The following RIMBP2 variants were observed in gnomAD, a reference collection of about 807,000 sequenced individuals.
RIMBP2 encodes the protein RIMS binding protein 2.
RIMBP2 carries 48 observed loss-of-function variants against 118.6 expected under a neutral mutation model. That is an observed-to-expected ratio of 0.40 (90% CI 0.32 to 0.51). RIMBP2 has a LOEUF of 0.51. RIMBP2 is among the 20% of genes least tolerant of loss of function. The pLI is 0.41. For missense variants in RIMBP2, 1,551 were observed against 1,768.3 expected (o/e 0.88, Z 2.20); for synonymous variants, 762 against 742.9 (o/e 1.03, Z -0.42).
chr12:130,416,383 A>G (rs754416027), intron 17 of RIMBP2, among the ~76,000 whole-genome samples: 3 of 152,212 alleles, frequency 2.0e-5, no homozygotes, highest in Non-Finnish European at 4.4e-5. Flanking sequence ...AGACACACAG[A>G]CTAATGGAAC....
At chr12:130,524,104 C>T (rs1431777780) in intron 2 of RIMBP2, among the ~76,000 whole-genome samples, 1 of 152,094 alleles carries the variant, frequency 6.6e-6, no homozygotes, top group African/African-American at 2.4e-5. Context: ...GGGTGGTGCT[C>T]CCAGCCCTGG....
rs76315951 is a variant in RIMBP2 at position 130,628,127 on chromosome 12, C to T, written c.-217+195G>A. On this transcript the variant is annotated intron_variant, in intron 2 of 22. Coordinates refer to ENST00000690449, the MANE Select transcript of RIMBP2 (RefSeq NM_001393629.1). ...GCCTCAGGGCCTTTGCACGGCTGTT[C>T]CCCATGATGTTCCTCTCTCTGTGAG... is the stretch of plus-strand genomic sequence containing the variant. 2.0e-3 allele frequency among the ~76,000 whole-genome samples: 301 copies of T among 152,324 alleles called. 1 individual carries two copies. The highest frequency in any genetic ancestry group is 6.9e-3 in the African/African-American group (286 of 41,556).
chr12:130,413,926 C>T (rs569133367), intron 18 of RIMBP2, among the ~76,000 whole-genome samples, 199 bp downstream of exon 18: 4 of 152,256 alleles, frequency 2.6e-5, no homozygotes, highest in African/African-American at 4.8e-5. Flanking sequence ...GCACACAAAC[C>T]GGGCAGATGC....
intron 2 of RIMBP2, among the ~76,000 whole-genome samples, chr12:130,612,864 G>A (rs1410594436): frequency 6.6e-6 from 1 of 152,122 alleles, no homozygotes; most frequent in African/African-American, 2.4e-5. Context: ...TTGCAATAGA[G>A]AGAGTCCGGA....
At chr12:130,428,860 G>C (rs911298830) in intron 14 of RIMBP2, 1 of 152,534 alleles carries the variant, frequency 6.6e-6, no homozygotes, top group African/African-American at 2.4e-5. Flanking sequence ...CACTTTGGGA[G>C]GCCGAGGTGG....
intron 1 of RIMBP2, among the ~76,000 whole-genome samples, chr12:130,715,545 C>G (rs1198839910): frequency 6.6e-6 from 1 of 152,218 alleles, no homozygotes; most frequent in Non-Finnish European, 1.5e-5. Context: ...CTGGGAGAGT[C>G]TGCCCCCGGC....
chr12:130,567,776 C>T (rs1462426211), intron 2 of RIMBP2, among the ~76,000 whole-genome samples: 2 of 152,224 alleles, frequency 1.3e-5, no homozygotes, highest in Admixed American at 6.5e-5. Flanking sequence ...CCCCCTGGTC[C>T]TCCAGCCTTG....
At chr12:130,430,877 C>T (rs532853065) in intron 14 of RIMBP2, among the ~76,000 whole-genome samples, 5 of 152,196 alleles carry the variant, frequency 3.3e-5, no homozygotes, top group South Asian at 2.1e-4. Flanking sequence ...GTGATCCACC[C>T]GCCTTGGCCT....
chr12:130,468,602 T>C (rs771276847), intron 6 of RIMBP2, among the ~76,000 whole-genome samples: 1 of 152,122 alleles, frequency 6.6e-6, no homozygotes, highest in Non-Finnish European at 1.5e-5. Flanking sequence ...GGGTGGTCTT[T>C]GACAGAGAGG....
At chr12:130,399,864 A>ACAT in intron 21 of RIMBP2, 51 bp from the exon 22 acceptor site, 3 of 1,602,438 alleles carry the variant, frequency 1.9e-6, no homozygotes, top group African/African-American at 2.7e-5. Context: ...CTAGAAACCC[A>ACAT]CATCTTGCTT....
rs146424952 is a variant in RIMBP2 at position 130,469,340 on chromosome 12, G to A, written c.153+1353C>T. Among the ~76,000 whole-genome samples the A allele has an allele frequency of 1.3e-5, 2 of 152,298 alleles. No individual in the cohort carries two copies. The highest frequency in any genetic ancestry group is 2.9e-5 in the Non-Finnish European group (2 of 68,028). On this transcript the variant is annotated intron_variant, in intron 6 of 22. Coordinates refer to ENST00000690449, the MANE Select transcript of RIMBP2 (RefSeq NM_001393629.1). This position sits in a 1 kb window ranked among gnomAD's most constrained non-coding sequence, Gnocchi z 4.8. ...AGCACGGGGTGACAGGTGACAGCGG[G>A]ATCATGGTGGAGCAGTCCCTCAGAG...
chr12:130,524,798 C>T (rs907593236), intron 2 of RIMBP2, among the ~76,000 whole-genome samples: 25 of 152,086 alleles, frequency 1.6e-4, no homozygotes, highest in Non-Finnish European at 2.8e-4. Flanking sequence ...AAGAGGAAGG[C>T]GGGTACAGGA....
chr12:130,555,269 C>T (rs10848145), intron 2 of RIMBP2, among the ~76,000 whole-genome samples: 59,311 of 151,782 alleles, frequency 0.39, 12,509 homozygotes, highest in Non-Finnish European at 0.47. Flanking sequence ...AGGAGAAAGC[C>T]CTCGCAGGAA....
chr12:130,529,940 C>T (rs1031070192), intron 2 of RIMBP2, among the ~76,000 whole-genome samples: 4 of 152,326 alleles, frequency 2.6e-5, no homozygotes, highest in African/African-American at 9.6e-5. Context: ...CTGCTGTTCA[C>T]CTCCTGCTGT....
At chr12:130,543,528 G>A (rs1043261856) in intron 2 of RIMBP2, among the ~76,000 whole-genome samples, 8 of 152,144 alleles carry the variant, frequency 5.3e-5, no homozygotes, top group Admixed American at 4.6e-4. Context: ...GGCTGAAGAG[G>A]CAGTGAGCTT....
At chr12:130,562,299 A>T (rs1180427862) in intron 2 of RIMBP2, among the ~76,000 whole-genome samples, 1 of 152,236 alleles carries the variant, frequency 6.6e-6, no homozygotes. Flanking sequence ...TTTATCTGCT[A>T]GAAATAGAAA....
rs1011779870 is a variant in RIMBP2 at position 130,424,090 on chromosome 12, G to A, written c.3129+52C>T. 3.1e-6 allele frequency: 3 copies of A among 962,324 alleles called. No individual in the cohort carries two copies. The highest frequency in any genetic ancestry group is 2.7e-6 in the Non-Finnish European group (2 of 741,796). The allele number at this position is 962,324 out of a possible 1,614,324, so 59.6% of individuals were successfully genotyped here. On this transcript the variant is annotated intron_variant, in intron 16 of 22. Transcript: ENST00000690449. This position sits in a 1 kb window ranked among gnomAD's most constrained non-coding sequence, Gnocchi z 9.8. ...ACAAACAGAAAACCAGTGAAAGGATGGGACAGATTGGTTTGGCAAGCGGCT... is the reference window on the plus strand; with the variant it reads ...ACAAACAGAAAACCAGTGAAAGGATAGGACAGATTGGTTTGGCAAGCGGCT...
intron 2 of RIMBP2, among the ~76,000 whole-genome samples, chr12:130,608,583 G>T (rs1203626199): frequency 2.0e-5 from 3 of 152,180 alleles, no homozygotes; most frequent in Non-Finnish European, 2.9e-5. Context: ...CCTCCTGGGG[G>T]GAGGTGGGCA....
rs73460622 is a variant in RIMBP2 at position 130,628,895 on chromosome 12, C to A, written c.-351-439G>T. Among the ~76,000 whole-genome samples, 574 of 152,044 alleles carry A rather than the reference C, an allele frequency of 3.8e-3. 1 individual carries two copies. Among genetic ancestry groups the A allele is most frequent in the African/African-American group, 0.013 (530 of 41,462 alleles). On this transcript the variant is annotated intron_variant, in intron 1 of 22. Coordinates refer to ENST00000690449, the MANE Select transcript of RIMBP2 (RefSeq NM_001393629.1). ...TTAATTATCAAGATGTGACTGATGC[C>A]CAGCCGATGACAGAAAGAGTTATTA...
Sources: gnomAD v4.1 joint callset for allele counts (sites outside exome capture counted in the v4.1 genomes callset) on GRCh38, gnomAD v4.1.1 for gene constraint, Gnocchi (gnomAD v3.1) non-coding constraint, MANE v1.5 for transcripts, NCBI Gene and HGNC (gene_info 2026-07-23, HGNC 2026-07-21) for gene names.